PDLIM3: variants seen among roughly 807,000 people sequenced by gnomAD.
The protein encoded by PDLIM3 is PDZ and LIM domain protein 3.
A neutral mutation model predicts 37.3 loss-of-function variants in PDLIM3; 36 were observed. That is an observed-to-expected ratio of 0.97 (90% confidence interval 0.74 to 1.28). The LOEUF (loss-of-function observed/expected upper bound fraction) is 1.28. Among genes scored for constraint, PDLIM3 ranks in the 50% most tolerant of loss-of-function variants. PDLIM3 has a pLI of 0.00. For missense variants in PDLIM3, 454 were observed against 485.0 expected (o/e 0.94, Z 0.60); for synonymous variants, 174 against 182.4 (o/e 0.95, Z 0.37).
intron 1 of PDLIM3, among the ~76,000 whole-genome samples, chr4:185,526,272 T>C (rs1035043704): frequency 1.3e-5 from 2 of 152,242 alleles, no homozygotes; most frequent in African/African-American, 2.4e-5. Context: ...TATTCACTCA[T>C]GGTCTCTTCT....
chr4:185,533,295 A>C (rs2095747920), intron 1 of PDLIM3, among the ~76,000 whole-genome samples: 1 of 152,166 alleles, frequency 6.6e-6, no homozygotes, highest in African/African-American at 2.4e-5. Flanking sequence ...CAATACTGAT[A>C]GTTATTTTTC....
intron 5 of PDLIM3, among the ~76,000 whole-genome samples, chr4:185,507,784 C>T (rs1451811894): frequency 6.6e-6 from 1 of 152,068 alleles, no homozygotes; most frequent in Non-Finnish European, 1.5e-5. Flanking sequence ...AACCTTTATG[C>T]ACAATAAACA....
chr4:185,532,474 A>G (rs2095746361), intron 1 of PDLIM3, among the ~76,000 whole-genome samples: 1 of 152,194 alleles, frequency 6.6e-6, no homozygotes, highest in African/African-American at 2.4e-5. Context: ...GGGGAGAGGC[A>G]TTTGAGTGGT....
rs115962063 is a variant in PDLIM3, at chr4:185,509,561, T to G, written c.399-999A>C. ...AACTGACATGCTAGTGACTAAAAAG[T>G]CCATTTTTCCACATGCATGAGAGAT... On this transcript the variant is annotated intron_variant, in intron 4 of 7. Transcript: ENST00000284767. Among the ~76,000 whole-genome samples the G allele has an allele frequency of 5.0e-3, 760 of 152,254 alleles. 7 individuals are homozygous for G. Among genetic ancestry groups the G allele is most frequent in the African/African-American group, 0.017 (714 of 41,548 alleles).
At chr4:185,510,370 C>T (rs1323812682) in intron 4 of PDLIM3, among the ~76,000 whole-genome samples, 1 of 152,108 alleles carries the variant, frequency 6.6e-6, no homozygotes, top group Admixed American at 6.5e-5. Flanking sequence ...CAATTTAGAA[C>T]TTTTACTTAT....
In PDLIM3 at chr4:185,535,435, G is replaced by A. The variant is rs1259991527; in HGVS notation, c.-1C>T. 4 of 1,588,458 alleles carry A rather than the reference G, an allele frequency of 2.5e-6. No individual in the cohort carries two copies. The highest frequency in any genetic ancestry group is 3.4e-6 in the Non-Finnish European group (4 of 1,168,796). Reference sequence around the variant, plus strand: ...CCGGGAGGATCACCGTCTGGGGCATGCCGCCTTCCTCCCGCCCACCGGGCT... The same window carrying A: ...CCGGGAGGATCACCGTCTGGGGCATACCGCCTTCCTCCCGCCCACCGGGCT... On this transcript the variant is annotated 5_prime_UTR_variant, in exon 1 of 8. Coordinates refer to ENST00000284767, the MANE Select transcript of PDLIM3 (RefSeq NM_014476.6).
chr4:185,531,341 T>C (rs1046449650), intron 1 of PDLIM3, among the ~76,000 whole-genome samples: 1 of 152,228 alleles, frequency 6.6e-6, no homozygotes, highest in Non-Finnish European at 1.5e-5. Flanking sequence ...AAATTTTATA[T>C]TGCACAAGGT....
intron 5 of PDLIM3, chr4:185,507,094 A>C (rs2095698886): frequency 6.3e-6 from 1 of 159,958 alleles, no homozygotes; most frequent in Non-Finnish European, 1.4e-5. Flanking sequence ...ATTCACATTC[A>C]CTTTTGATAT....
chr4:185,506,460 C>T, intron 6 of PDLIM3, 62 bp downstream of exon 6: 7 of 1,604,234 alleles, frequency 4.4e-6, no homozygotes, highest in Non-Finnish European at 6.0e-6. Context: ...GCTGTCGTCC[C>T]CGTCCCGCCC....
Position 185,508,322 on chromosome 4 carries a change from G to C in PDLIM3, c.639C>G (p.Ala213=). Residue 213 remains alanine (A), a synonymous_variant, in exon 5 of 8, where the codon GCC becomes GCG. Coordinates refer to ENST00000284767, the MANE Select transcript of PDLIM3 (RefSeq NM_014476.6). ...METLQGQVST[A]LGETPLMSEP... ...ACCTCATCAAAGGTGTTTCCCCTAG[G>C]GCTGTTGAAACCTGACCCTGGAGTG... 6.2e-7 allele frequency: 1 copy of C among 1,614,026 alleles called. No individual in the cohort carries two copies. Among genetic ancestry groups the C allele is most frequent in the Non-Finnish European group, 8.5e-7 (1 of 1,179,944 alleles).
chr4:185,523,672 G>A (rs1188300768), intron 2 of PDLIM3, among the ~76,000 whole-genome samples: 2 of 147,890 alleles, frequency 1.4e-5, no homozygotes, highest in African/African-American at 5.0e-5. Flanking sequence ...AGGCTGGAGT[G>A]CAGTGGCAAA....
At chr4:185,507,883 C>G (rs1561191926) in intron 5 of PDLIM3, among the ~76,000 whole-genome samples, 1 of 152,132 alleles carries the variant, frequency 6.6e-6, no homozygotes, top group Middle Eastern at 3.4e-3. Context: ...CCTCCCACCT[C>G]CTTCCTAATT....
Sources: gnomAD v4.1 joint callset for allele counts (sites outside exome capture counted in the v4.1 genomes callset) on GRCh38, gnomAD v4.1.1 for gene constraint, MANE v1.5 for transcripts, NCBI Gene and HGNC (gene_info 2026-07-23, HGNC 2026-07-21) for gene names.